OSMR: variants seen among roughly 807,000 people sequenced by gnomAD.
OSMR encodes oncostatin-M-specific receptor subunit beta.
A neutral mutation model predicts 99.9 loss-of-function variants in OSMR; 81 were observed. The ratio of observed to expected loss-of-function variants is 0.81; its 90% CI spans 0.68 to 0.97. The LOEUF (loss-of-function observed/expected upper bound fraction) is 0.97, where lower values mean the gene tolerates loss of function less well. OSMR is among the 50% of genes least tolerant of loss of function. OSMR has a pLI of 0.00. For synonymous variants in OSMR, 406 were observed against 410.4 expected, an observed-to-expected ratio of 0.99 and a Z score of 0.13; for missense variants, 1,099 against 1,153.4, an observed-to-expected ratio of 0.95 and a Z score of 0.68.
chr5:38,940,287 T>TGAAAAATATGTATG, downstream of OSMR: 1 of 232,032 alleles, frequency 4.3e-6, no homozygotes, highest in Non-Finnish European at 8.5e-6. Flanking sequence ...CTGTTAACTT[T>TGAAAAATATGTATG]TGAGGGATTA....
At chr5:38,870,970 C>G (rs1682902872) in intron 2 of OSMR, among the ~76,000 whole-genome samples, 2 of 152,270 alleles carry the variant, frequency 1.3e-5, no homozygotes, top group African/African-American at 4.8e-5. Context: ...TCATTATTAA[C>G]AGATGAACTT....
At chr5:38,904,221 A>G in intron 8 of OSMR, 132 bp from the exon 9 acceptor site, 1 of 1,531,832 alleles carries the variant, frequency 6.5e-7, no homozygotes. Context: ...TTTTCCCCCC[A>G]AAGAAGAACT....
At chr5:38,854,667 T>C (rs1473460790) in intron 1 of OSMR, among the ~76,000 whole-genome samples, 1 of 152,146 alleles carries the variant, frequency 6.6e-6, no homozygotes. Flanking sequence ...GTGAGAAAAT[T>C]AGTACCCATT....
chr5:38,917,797 T>C (rs771027077), intron 10 of OSMR, among the ~76,000 whole-genome samples, 175 bp downstream of exon 10: 1 of 152,164 alleles, frequency 6.6e-6, no homozygotes, highest in African/African-American at 2.4e-5. Flanking sequence ...ACTCCTTTGA[T>C]AGCTGATGCA....
At chr5:38,918,113 A>G (rs1746021550) in intron 10 of OSMR, among the ~76,000 whole-genome samples, 1 of 151,986 alleles carries the variant, frequency 6.6e-6, no homozygotes, top group Admixed American at 6.6e-5. Flanking sequence ...TGATCCTGGG[A>G]GAGTTGGCTC....
At chr5:38,877,451 T>TC (rs1161980042) in intron 3 of OSMR, among the ~76,000 whole-genome samples, 1 of 152,250 alleles carries the variant, frequency 6.6e-6, no homozygotes, top group African/African-American at 2.4e-5. Context: ...AAGGGCAGTT[T>TC]CCCACAATGA....
At chr5:38,877,991 TATC>T (rs1742973569) in intron 3 of OSMR, among the ~76,000 whole-genome samples, 1 of 152,156 alleles carries the variant, frequency 6.6e-6, no homozygotes, top group East Asian at 1.9e-4. Flanking sequence ...TTGCCTTGTC[TATC>T]GTGTTGTCCT....
At chr5:38,944,376 AT>A in intron 2 of OSMR, 1 of 1,472,614 alleles carries the variant, frequency 6.8e-7, no homozygotes, top group Non-Finnish European at 9.3e-7. Context: ...CTTTTGAAGT[AT>A]TTCAAGTATC....
intron 11 of OSMR, chr5:38,919,456 C>A: frequency 1.3e-6 from 1 of 782,706 alleles, no homozygotes; most frequent in Non-Finnish European, 1.8e-6. Flanking sequence ...GTCTTTGCAC[C>A]TGGAAAGAGT....
rs371224389 is a variant in OSMR at position 38,933,387 on chromosome 5, C to T, written c.2883C>T (p.Thr961=). The T allele has an allele frequency of 1.4e-5, 22 of 1,613,932 alleles. 1 individual carries two copies. The highest frequency in any genetic ancestry group is 1.6e-4 in the Middle Eastern group (1 of 6,084). ...TGCGTCTTGCCTTGCCTCCCCCGACCGAGAATAGCAGCCTCTCCTCAATTA... is the reference window on the plus strand; with the variant it reads ...TGCGTCTTGCCTTGCCTCCCCCGACTGAGAATAGCAGCCTCTCCTCAATTA... ...VSLRLALPPP[T]ENSSLSSITL... Residue 961 remains threonine, a synonymous_variant, in exon 18 of 18, where the codon ACC becomes ACT. Transcript: ENST00000274276.
intron 9 of OSMR, among the ~76,000 whole-genome samples, chr5:38,905,443 G>A (rs954192377): frequency 6.6e-6 from 1 of 151,702 alleles, no homozygotes; most frequent in African/African-American, 2.4e-5. Flanking sequence ...AGCTGAGATC[G>A]TGCCACTGCA....
chr5:38,853,876 C>T (rs1028631321), intron 1 of OSMR, among the ~76,000 whole-genome samples: 26 of 152,020 alleles, frequency 1.7e-4, no homozygotes, highest in Non-Finnish European at 2.9e-4. Context: ...GTGTGGGGGA[C>T]GGACATGAAA....
At chr5:38,906,654 C>A (rs1002953273) in intron 9 of OSMR, among the ~76,000 whole-genome samples, 97 of 152,102 alleles carry the variant, frequency 6.4e-4, no homozygotes, top group Middle Eastern at 3.4e-3. Context: ...TTGAAATCTG[C>A]TTTAATAGAT....
At chr5:38,942,751 C>T (rs1278399639) in intron 1 of OSMR, 1 of 1,152,402 alleles carries the variant, frequency 8.7e-7, no homozygotes, top group Non-Finnish European at 1.3e-6. Flanking sequence ...TCACCACACC[C>T]AGCTATAATC....
In OSMR at chr5:38,885,227, C is replaced by T. The variant is rs755860065; in HGVS notation, c.704-122C>T. On this transcript the variant is annotated intron_variant, in intron 5 of 17. Coordinates refer to ENST00000274276, the MANE Select transcript of OSMR (RefSeq NM_003999.3). ...GAGGCTGTTGATAGGTAGCCTTCCA[C>T]CTCAGTGACCCCTTCCTTGTTCACA... 95 of 1,538,398 alleles carry T rather than the reference C, an allele frequency of 6.2e-5. 1 individual carries two copies. In the South Asian group the frequency reaches 6.7e-4, roughly 11 times the overall value.
downstream of OSMR, chr5:38,940,437 T>C (rs192674677): frequency 4.3e-6 from 1 of 232,716 alleles, no homozygotes; most frequent in Non-Finnish European, 8.5e-6. Context: ...ACTCTGACAT[T>C]TGGTTCTCTG....
intron 15 of OSMR, among the ~76,000 whole-genome samples, chr5:38,931,433 A>G (rs1349365738): frequency 1.3e-5 from 2 of 152,198 alleles, no homozygotes; most frequent in African/African-American, 2.4e-5. Context: ...CACACTTCTC[A>G]TGCTGAGGAA....
intron 12 of OSMR, among the ~76,000 whole-genome samples, chr5:38,922,619 A>T (rs1441491396): frequency 6.6e-6 from 1 of 152,160 alleles, no homozygotes; most frequent in Non-Finnish European, 1.5e-5. Flanking sequence ...TGCAGAGGCC[A>T]GTCCCTGCAG....
intron 9 of OSMR, among the ~76,000 whole-genome samples, chr5:38,907,911 A>G (rs932007581): frequency 6.6e-6 from 1 of 152,136 alleles, no homozygotes; most frequent in Non-Finnish European, 1.5e-5. Context: ...CTGTTGGCAT[A>G]AGCACAACGT....
Sources: allele counts gnomAD v4.1 joint callset (sites outside exome capture counted in the v4.1 genomes callset), GRCh38; gene constraint gnomAD v4.1.1; transcripts MANE v1.5; gene names NCBI Gene and HGNC (gene_info 2026-07-23, HGNC 2026-07-21).